The following PTPRN2 variants were observed in gnomAD, a reference collection of about 807,000 sequenced individuals.
The protein encoded by PTPRN2 is protein tyrosine phosphatase receptor type N2, also known as receptor-type tyrosine-protein phosphatase N2.
A neutral mutation model predicts 118.8 loss-of-function variants in PTPRN2; 74 were observed. That is an observed-to-expected ratio of 0.62 (90% CI 0.52 to 0.76). PTPRN2 has a LOEUF of 0.76. Ranked by LOEUF, PTPRN2 falls within the 30% of genes least tolerant of loss-of-function variation. The pLI is 0.00. For missense variants in PTPRN2, 1,481 were observed against 1,394.4 expected (o/e 1.06, Z -0.99); for synonymous variants, 641 against 608.0 (o/e 1.05, Z -0.80).
At chr7:158,462,463 AAC>A (rs1819076455) in intron 2 of PTPRN2, among the ~76,000 whole-genome samples, 1 of 152,190 alleles carries the variant, frequency 6.6e-6, no homozygotes, top group Admixed American at 6.5e-5. Flanking sequence ...TTTGACAGAA[AAC>A]ACACAGAGTC....
intron 12 of PTPRN2, among the ~76,000 whole-genome samples, chr7:157,867,942 C>G (rs981209588): frequency 6.6e-6 from 1 of 152,176 alleles, no homozygotes; most frequent in Non-Finnish European, 1.5e-5. Context: ...AAGAGCAGGA[C>G]TGGGGGCACC....
rs372046530 is a variant in PTPRN2 at position 157,569,016 on chromosome 7, C to T, written c.2838-50G>A. On this transcript the variant is annotated intron_variant, in intron 20 of 22. Coordinates refer to ENST00000389418, the MANE Select transcript of PTPRN2 (RefSeq NM_002847.5). ...AAGTGCTGCCGTCCACACGGAAGCC[C>T]GACCCACAACAAAGCTAGTGACAGT... 1.7e-5 allele frequency: 25 copies of T among 1,487,236 alleles called. 1 individual carries two copies. The Middle Eastern group carries it at 5.1e-4, about 31-fold the overall frequency. 92.1% of individuals were successfully genotyped at this position (1,487,236 alleles called of 1,614,324 possible). A position where few individuals can be genotyped will look rare whatever the true frequency, so the allele number is the denominator to read the frequency against.
rs185303751 is a variant in PTPRN2 at position 157,869,757 on chromosome 7, G to A, written c.1788+28916C>T. 2.2e-3 allele frequency among the ~76,000 whole-genome samples: 336 copies of A among 152,318 alleles called. 1 individual carries two copies. The highest frequency in any genetic ancestry group is 3.3e-3 in the Non-Finnish European group (227 of 68,028). ...GATGAGAGGAGTGAGCTGAAGCCTT[G>A]TCCTGGTGGAGAAGGGCTCTCTGGT... On this transcript the variant is annotated intron_variant, in intron 12 of 22. Transcript: ENST00000389418. This position sits in a 1 kb window ranked among gnomAD's most constrained non-coding sequence, Gnocchi z 4.2.
intron 10 of PTPRN2, 137 bp from the exon 11 acceptor site, chr7:158,081,514 C>T: frequency 1.4e-6 from 1 of 736,296 alleles, no homozygotes; most frequent in Non-Finnish European, 2.3e-6. Flanking sequence ...GCGTCGACTC[C>T]ACTGGACGTC....
chr7:158,301,660 T>A (rs1180825120), intron 3 of PTPRN2, among the ~76,000 whole-genome samples: 2 of 152,106 alleles, frequency 1.3e-5, no homozygotes, highest in African/African-American at 4.8e-5. Flanking sequence ...TTAAGAACAA[T>A]CCCATTTGCT....
At chr7:157,703,296 G>A (rs925390676) in intron 12 of PTPRN2, among the ~76,000 whole-genome samples, 1 of 152,176 alleles carries the variant, frequency 6.6e-6, no homozygotes, top group African/African-American at 2.4e-5. Flanking sequence ...TTCGAGCTCC[G>A]AGGGATGTCT....
chr7:158,060,006 A>G (rs1462435294), intron 11 of PTPRN2, among the ~76,000 whole-genome samples: 2 of 97,338 alleles, frequency 2.1e-5, no homozygotes, highest in South Asian at 4.3e-4. Context: ...CTGCAGCCAC[A>G]CTCCATCTGC....
At chr7:158,425,895 C>A (rs535434335) in intron 2 of PTPRN2, among the ~76,000 whole-genome samples, 1 of 142,690 alleles carries the variant, frequency 7.0e-6, no homozygotes, top group South Asian at 2.2e-4. Context: ...GAGGCCTGCA[C>A]AGCGCCGGGA....
chr7:157,706,896 C>G (rs1344682204), intron 12 of PTPRN2, among the ~76,000 whole-genome samples: 1 of 151,198 alleles, frequency 6.6e-6, no homozygotes. Flanking sequence ...TCAATGTGGA[C>G]CACATCCCTC....
At chr7:157,724,617 T>TA (rs1280403838) in intron 12 of PTPRN2, among the ~76,000 whole-genome samples, 1 of 152,234 alleles carries the variant, frequency 6.6e-6, no homozygotes, top group Non-Finnish European at 1.5e-5. Context: ...CAGCCTGCCT[T>TA]ACGTGTGCTC....
At chr7:158,444,290 G>A (rs61745537) in intron 2 of PTPRN2, among the ~76,000 whole-genome samples, 2,909 of 152,362 alleles carry the variant, frequency 0.019, 75 homozygotes, top group African/African-American at 0.065. Flanking sequence ...GACTGTGCTC[G>A]GGAAGCTGAG....
chr7:157,575,448 G>C (rs1164425535), intron 19 of PTPRN2, among the ~76,000 whole-genome samples: 2 of 152,246 alleles, frequency 1.3e-5, no homozygotes, highest in Admixed American at 1.3e-4. Context: ...AGGGGCCACT[G>C]AGTGTGTGTT....
At chr7:158,194,156 A>T (rs549138775) in intron 4 of PTPRN2, among the ~76,000 whole-genome samples, 63 of 147,092 alleles carry the variant, frequency 4.3e-4, no homozygotes, top group African/African-American at 1.2e-3. Flanking sequence ...TGTGTGTGTG[A>T]GTGTGTGAGG....
chr7:157,702,758 A>G (rs1212948073), intron 12 of PTPRN2, among the ~76,000 whole-genome samples: 2 of 152,250 alleles, frequency 1.3e-5, no homozygotes. Context: ...ATATGCCACC[A>G]GAAAAGTGCG....
intron 5 of PTPRN2, among the ~76,000 whole-genome samples, chr7:158,191,177 T>C (rs1351381751): frequency 6.6e-6 from 1 of 152,156 alleles, no homozygotes; most frequent in South Asian, 2.1e-4. Context: ...CAGAGTTAAC[T>C]TAAGTCATTT....
At position 157,539,271 on chromosome 7, in the gene PTPRN2, T is replaced by C. The variant is rs978192608; in HGVS notation, c.*1443A>G. ...AAAGCAGATATTCATTACAATACCA[T>C]GTAGAGACATAAGCAATATTTTGGC... is the stretch of plus-strand genomic sequence containing the variant. On this transcript the variant is annotated 3_prime_UTR_variant, in exon 23 of 23. Coordinates refer to ENST00000389418, the MANE Select transcript of PTPRN2 (RefSeq NM_002847.5). The C allele has an allele frequency of 1.3e-5, 2 of 152,240 alleles. No homozygotes were observed. The highest frequency in any genetic ancestry group is 4.8e-5 in the African/African-American group (2 of 41,466). The allele number at this position is 152,240 out of a possible 1,614,324, so 9.4% of individuals were successfully genotyped here.
intron 11 of PTPRN2, among the ~76,000 whole-genome samples, chr7:158,008,853 T>C (rs543608649): frequency 5.2e-5 from 8 of 152,386 alleles, no homozygotes; most frequent in African/African-American, 1.9e-4. Flanking sequence ...TAAAAAGTTT[T>C]ACTAAGTACA....
chr7:157,542,112 T>G (rs924932610), intron 22 of PTPRN2, among the ~76,000 whole-genome samples: 2 of 152,242 alleles, frequency 1.3e-5, no homozygotes, highest in South Asian at 4.1e-4. Context: ...CGAAATTACG[T>G]GGGAGCTGCC....
intron 11 of PTPRN2, among the ~76,000 whole-genome samples, chr7:158,037,529 G>C (rs1349741293): frequency 6.6e-6 from 1 of 152,154 alleles, no homozygotes; most frequent in African/African-American, 2.4e-5. Flanking sequence ...GAGTACTGTA[G>C]GCAACGCTAA....
Sources: allele counts gnomAD v4.1 joint callset (sites outside exome capture counted in the v4.1 genomes callset), GRCh38; gene constraint gnomAD v4.1.1; non-coding constraint Gnocchi (gnomAD v3.1); transcripts MANE v1.5; gene names NCBI Gene and HGNC (gene_info 2026-07-23, HGNC 2026-07-21).